The following GRSF1 variants were observed in gnomAD, a reference collection of about 807,000 sequenced individuals.
GRSF1 encodes G-rich sequence factor 1.
GRSF1 carries 50 observed loss-of-function variants against 51.1 expected under a neutral mutation model. That is an observed-to-expected ratio of 0.98 (90% CI 0.78 to 1.24). GRSF1 has a LOEUF of 1.24. Ranked by LOEUF, GRSF1 falls within the 50% of genes most tolerant of loss-of-function variation. The probability of loss-of-function intolerance (pLI) is 0.00; values close to 1 mark genes in which losing one functional copy is unlikely to be tolerated. For missense variants in GRSF1, 700 were observed against 639.7 expected, an observed-to-expected ratio of 1.09 and a Z score of -1.02; for synonymous variants, 293 against 253.3, an observed-to-expected ratio of 1.16 and a Z score of -1.49.
chr4:70,827,321 C>G (rs1393864745), intron 6 of GRSF1, among the ~76,000 whole-genome samples: 1 of 151,714 alleles, frequency 6.6e-6, no homozygotes, highest in East Asian at 2.0e-4. Flanking sequence ...AGTCAATATT[C>G]CTGCTCATTA....
upstream of GRSF1, among the ~76,000 whole-genome samples, chr4:70,840,253 G>GC (rs967973607): frequency 6.6e-6 from 1 of 152,136 alleles, no homozygotes; most frequent in Non-Finnish European, 1.5e-5. Flanking sequence ...TTTGGGCGGG[G>GC]CCCGGGGAAG....
chr4:70,835,426 C>A (rs1334785934), intron 2 of GRSF1, among the ~76,000 whole-genome samples: 5 of 138,504 alleles, frequency 3.6e-5, no homozygotes, highest in African/African-American at 1.3e-4. Context: ...GAGACTCCGT[C>A]TCAAAAAAAA....
rs7686378 is a variant in GRSF1 at position 70,820,733 on chromosome 4, T to C, written c.*154A>G. 4,109 of 152,776 alleles carry C rather than the reference T, an allele frequency of 0.027. 81 individuals carry two copies. The highest frequency in any genetic ancestry group is 0.054 in the Middle Eastern group (16 of 294). The allele number at this position is 152,776 out of a possible 1,614,324, so 9.5% of individuals were successfully genotyped here. On this transcript the variant is annotated 3_prime_UTR_variant, in exon 10 of 10. Coordinates refer to ENST00000254799, the MANE Select transcript of GRSF1 (RefSeq NM_002092.4). The stretch of plus-strand genomic sequence containing the variant: ...ATTTCTTCTTCTAAACAGTCCACTA[T>C]GAAACTTTTCTTAGAAGCAATTAAC...
At chr4:70,828,741 T>C (rs1733834034) in intron 5 of GRSF1, among the ~76,000 whole-genome samples, 1 of 150,644 alleles carries the variant, frequency 6.6e-6, no homozygotes, top group Admixed American at 6.6e-5. Flanking sequence ...TGCTAATTTT[T>C]TTTTTTTTTT....
intron 6 of GRSF1, among the ~76,000 whole-genome samples, chr4:70,826,522 A>G (rs539927508): frequency 1.3e-5 from 2 of 151,590 alleles, no homozygotes; most frequent in African/African-American, 4.8e-5. Flanking sequence ...GAGACTTTCT[A>G]GATTATAGGC....
At chr4:70,831,422 C>A in intron 5 of GRSF1, 117 bp downstream of exon 5, 1 of 862,726 alleles carries the variant, frequency 1.2e-6, no homozygotes, top group Non-Finnish European at 1.7e-6. Context: ...TGATGGCTCA[C>A]TACACTACTC....
chr4:70,839,578 TG>T lies in GRSF1; in HGVS notation c.249del (p.Thr84ProfsTer59). 7.1e-7 allele frequency: 1 copy of T among 1,417,582 alleles called. No individual in the cohort carries two copies. Among genetic ancestry groups the T allele is most frequent in the Non-Finnish European group, 9.2e-7 (1 of 1,088,914 alleles). The allele number at this position is 1,417,582 out of a possible 1,614,324, so 87.8% of individuals were successfully genotyped here. A position where few individuals can be genotyped will look rare whatever the true frequency, so the allele number is the denominator to read the frequency against. ...GCGGCGGCCGCGGCCGCGGCAGAGGTGGCCACAGCGGGAGGCCCCGCCAGCC... is the reference window on the plus strand; with the variant it reads ...GCGGCGGCCGCGGCCGCGGCAGAGGTGCCACAGCGGGAGGCCCCGCCAGCC... ...PGRLAGPPAVATSAAAAAAAS... is the reference protein window; with the variant it reads ...PGRLAGPPAVXTSAAAAAAAS... On this transcript the variant is annotated frameshift_variant, in exon 1 of 10. Transcript: ENST00000254799. LOFTEE classifies it high-confidence loss of function.
At position 70,819,979 on chromosome 4, in the gene GRSF1, G is replaced by C. The variant is rs1367116658; in HGVS notation, c.*908C>G. ...CACCCCTACTTGTTCTAAAATATGG[G>C]ATGTACTACTCCATTTAAAAAGCAA... On this transcript the variant is annotated 3_prime_UTR_variant, in exon 10 of 10. Transcript: ENST00000254799. 6.6e-6 allele frequency: 1 copy of C among 152,520 alleles called. No homozygotes were observed. The highest frequency in any genetic ancestry group is 1.5e-5 in the Non-Finnish European group (1 of 68,028). The allele number at this position is 152,520 out of a possible 1,614,324, so 9.4% of individuals were successfully genotyped here.
At chr4:70,823,447 TATC>T (rs1158919176) in intron 9 of GRSF1, among the ~76,000 whole-genome samples, 1 of 147,202 alleles carries the variant, frequency 6.8e-6, no homozygotes, top group Non-Finnish European at 1.5e-5. Context: ...AATGAAAAAA[TATC>T]ATAATTAATT....
chr4:70,839,912 G>A (rs552929178), upstream of GRSF1: 17 of 1,300,924 alleles, frequency 1.3e-5, no homozygotes, highest in South Asian at 2.1e-4. Flanking sequence ...CCGGTTGGGG[G>A]TGGGGTGTGC....
intron 1 of GRSF1, among the ~76,000 whole-genome samples, chr4:70,836,590 G>C (rs914145695): frequency 1.3e-5 from 2 of 152,122 alleles, no homozygotes; most frequent in African/African-American, 2.4e-5. Context: ...CAATAGTGTA[G>C]TTAAGGCAAC....
At chr4:70,830,441 T>G (rs568664247) in intron 5 of GRSF1, among the ~76,000 whole-genome samples, 1 of 147,326 alleles carries the variant, frequency 6.8e-6, no homozygotes, top group Non-Finnish European at 1.5e-5. Flanking sequence ...TAAGACCCTG[T>G]GTCTTAAAAA....
chr4:70,839,130 A>C, intron 1 of GRSF1: 1 of 1,305,728 alleles, frequency 7.7e-7, no homozygotes. Context: ...GCCGGCGGAA[A>C]GCAAGAAGAT....
rs1234103759 is a variant in GRSF1, at chr4:70,825,430, A to C, written c.1259T>G (p.Phe420Cys). The stretch of plus-strand genomic sequence containing the variant: ...TCTAACAGGCTTGAGTGGAGCAAAA[A>C]ACTAAACGACAAACAAAGGCAGTCA... ...FQANAQDIIN[F>C]FAPLKPVRIT... Residue 420 changes from phenylalanine to cysteine, a missense_variant and splice_region_variant, in exon 8 of 10, where the codon TTT becomes TGT. Transcript: ENST00000254799. 1 of 1,606,654 alleles carries C rather than the reference A, an allele frequency of 6.2e-7. No homozygotes were observed. The highest frequency in any genetic ancestry group is 8.5e-7 in the Non-Finnish European group (1 of 1,175,330).
intron 1 of GRSF1, among the ~76,000 whole-genome samples, chr4:70,837,025 A>T (rs1165857537): frequency 6.6e-6 from 1 of 152,206 alleles, no homozygotes; most frequent in Admixed American, 6.5e-5. Context: ...GTAGGCAAAG[A>T]TAAGTTAATA....
At chr4:70,826,437 A>G (rs1274047516) in intron 6 of GRSF1, among the ~76,000 whole-genome samples, 192 bp from the exon 7 acceptor site, 2 of 152,132 alleles carry the variant, frequency 1.3e-5, no homozygotes, top group Admixed American at 6.6e-5. Context: ...GCCTCAGACC[A>G]TTACCAGTTT....
At chr4:70,838,219 CAAAAAAAAA>C (rs35303311) in intron 1 of GRSF1, among the ~76,000 whole-genome samples, 2 of 94,626 alleles carry the variant, frequency 2.1e-5, no homozygotes, top group Non-Finnish European at 3.9e-5. Context: ...ACTCGGTCTC[CAAAAAAAAA>C]AAAAAAAAAA....
At chr4:70,833,676 AC>A (rs1245729730) in intron 2 of GRSF1, among the ~76,000 whole-genome samples, 9 of 152,152 alleles carry the variant, frequency 5.9e-5, no homozygotes, top group African/African-American at 7.2e-5. Flanking sequence ...TAATTTTATT[AC>A]CATAGTTTAA....
In GRSF1 at chr4:70,839,754, G is replaced by C. The variant is rs1392423231; in HGVS notation, c.74C>G (p.Thr25Ser). The C allele has an allele frequency of 2.0e-6, 3 of 1,504,352 alleles. No homozygotes were observed. Among genetic ancestry groups the C allele is most frequent in the Admixed American group, 2.1e-5 (1 of 48,234 alleles). The allele number at this position is 1,504,352 out of a possible 1,614,324, so 93.2% of individuals were successfully genotyped here. Residue 25 changes from threonine to serine, a missense_variant, in exon 1 of 10, where the codon ACC (threonine) becomes AGC (serine). Thr to Ser is a moderately conservative substitution (Grantham distance 58, BLOSUM62 1). Coordinates refer to ENST00000254799, the MANE Select transcript of GRSF1 (RefSeq NM_002092.4). ...CGCNCSSCRR[T>S]GAACLPFYSA... is the part of the protein sequence containing the mutation. Reference sequence around the variant, plus strand: ...GTAGAAGGGCAGGCAGGCGGCGCCGGTGCGCCGGCAGCTGCTGCAGTTACA... The same window carrying C: ...GTAGAAGGGCAGGCAGGCGGCGCCGCTGCGCCGGCAGCTGCTGCAGTTACA...
Sources: allele counts gnomAD v4.1 joint callset (sites outside exome capture counted in the v4.1 genomes callset), GRCh38; gene constraint gnomAD v4.1.1; transcripts MANE v1.5; gene names NCBI Gene and HGNC (gene_info 2026-07-23, HGNC 2026-07-21).